The following ATP8B4 variants were observed in gnomAD, a reference collection of about 807,000 sequenced individuals.
ATP8B4 encodes probable phospholipid-transporting ATPase IM.
Under a neutral mutation model 145.6 loss-of-function variants are expected in ATP8B4, and 133 were observed. That is an observed-to-expected ratio of 0.91 (90% CI 0.79 to 1.05). The LOEUF (loss-of-function observed/expected upper bound fraction) is 1.05. Ranked by LOEUF, ATP8B4 falls within the 50% of genes least tolerant of loss-of-function variation. The probability of loss-of-function intolerance (pLI) is 0.00; values close to 1 mark genes in which losing one functional copy is unlikely to be tolerated. For missense variants in ATP8B4, 1,458 were observed against 1,425.2 expected, an observed-to-expected ratio of 1.02 and a Z score of -0.37; for synonymous variants, 507 against 492.9, an observed-to-expected ratio of 1.03 and a Z score of -0.38.
rs2031958842 is a variant in ATP8B4, at chr15:49,862,259, T to C, written c.3283A>G (p.Thr1095Ala). 4 of 1,613,468 alleles carry C rather than the reference T, an allele frequency of 2.5e-6. No homozygotes were observed. In the African/African-American group the frequency reaches 5.3e-5, roughly 22 times the overall value. The change falls in exon 27 of 28, where the codon ACC becomes GCC. Residue 1095 changes from threonine to alanine, a missense_variant. Coordinates refer to ENST00000284509, the MANE Select transcript of ATP8B4 (RefSeq NM_024837.4). Reference sequence around the variant, plus strand: ...CTGTGACATACCTGATCACTCAGGGTTGGGTATAAATCCACCTTCAAAAAT... The same window carrying C: ...CTGTGACATACCTGATCACTCAGGGCTGGGTATAAATCCACCTTCAAAAAT... Reference protein sequence around the residue: ...FRFLKVDLYPTLSDQIRRWQK... With the variant: ...FRFLKVDLYPALSDQIRRWQK...
intron 14 of ATP8B4, among the ~76,000 whole-genome samples, chr15:49,940,052 AC>A (rs766878913): frequency 6.6e-6 from 1 of 152,194 alleles, no homozygotes; most frequent in South Asian, 2.1e-4. Context: ...CTGGGTATCT[AC>A]CCAAAAGAAA....
chr15:49,909,283 A>G (rs1373933513), intron 20 of ATP8B4, among the ~76,000 whole-genome samples: 2 of 152,086 alleles, frequency 1.3e-5, no homozygotes, highest in Admixed American at 6.5e-5. Context: ...CCAGCCTGCC[A>G]CTACCACCAC....
At chr15:49,953,179 C>T (rs74012850) in intron 14 of ATP8B4, among the ~76,000 whole-genome samples, 2,921 of 152,054 alleles carry the variant, frequency 0.019, 90 homozygotes, top group African/African-American at 0.067. Flanking sequence ...TGAAGGGTCT[C>T]GCCCAGCTGG....
At chr15:50,001,137 TTTTC>T (rs1359857917) in intron 8 of ATP8B4, among the ~76,000 whole-genome samples, 3 of 152,048 alleles carry the variant, frequency 2.0e-5, no homozygotes, top group East Asian at 1.9e-4. Flanking sequence ...GTGTCGTTGA[TTTTC>T]TTTATTTTTT....
intron 1 of ATP8B4, among the ~76,000 whole-genome samples, chr15:50,132,317 T>C (rs563667067): frequency 1.3e-5 from 2 of 152,288 alleles, no homozygotes; most frequent in East Asian, 3.9e-4. Context: ...GAACAGACGC[T>C]TCTCAAAAGA....
rs530705985 is a variant in ATP8B4 at position 50,061,291 on chromosome 15, G to T, written c.87+12836C>A. ...ATCAAGCATCAAATTGGAAAATAAA[G>T]GAATCATGGAGGAAATTCCACAGGA... On this transcript the variant is annotated intron_variant, in intron 3 of 27. Coordinates refer to ENST00000284509, the MANE Select transcript of ATP8B4 (RefSeq NM_024837.4). Among the ~76,000 whole-genome samples, 16 of 152,144 alleles carry T rather than the reference G, an allele frequency of 1.1e-4. No homozygotes were observed. The South Asian group carries it at 3.1e-3, about 30-fold the overall frequency.
At chr15:50,152,367 C>T (rs2044359243) in intron 1 of ATP8B4, among the ~76,000 whole-genome samples, 1 of 151,952 alleles carries the variant, frequency 6.6e-6, no homozygotes, top group African/African-American at 2.4e-5. Flanking sequence ...ATAATAGTGA[C>T]TGATTTCATA....
At chr15:50,017,624 A>G (rs2049191011) in intron 6 of ATP8B4, among the ~76,000 whole-genome samples, 2 of 152,232 alleles carry the variant, frequency 1.3e-5, no homozygotes, top group South Asian at 2.1e-4. Context: ...TTGCCCATAT[A>G]GAGCCAAGTG....
intron 14 of ATP8B4, among the ~76,000 whole-genome samples, chr15:49,950,625 A>AAC (rs796143101): frequency 0.012 from 1,727 of 138,448 alleles, 42 homozygotes; most frequent in African/African-American, 0.039. Context: ...CAAACAAAAA[A>AAC]AACAACAACA....
chr15:49,962,708 TA>T (rs1323180113), intron 13 of ATP8B4, among the ~76,000 whole-genome samples: 1 of 152,198 alleles, frequency 6.6e-6, no homozygotes, highest in East Asian at 1.9e-4. Context: ...ATATTCACCA[TA>T]TTGTTCATAA....
At chr15:49,994,033 A>G (rs1169249566) in intron 9 of ATP8B4, among the ~76,000 whole-genome samples, 4 of 152,158 alleles carry the variant, frequency 2.6e-5, no homozygotes, top group African/African-American at 7.2e-5. Flanking sequence ...TTAAATGGCT[A>G]TTTTTATATA....
intron 6 of ATP8B4, among the ~76,000 whole-genome samples, chr15:50,025,117 C>T (rs1460255858): frequency 1.3e-5 from 2 of 152,188 alleles, no homozygotes; most frequent in African/African-American, 2.4e-5. Flanking sequence ...GTATCAACTG[C>T]ATGGGAATAT....
chr15:49,979,458 A>C (rs1427988177), intron 12 of ATP8B4, 159 bp downstream of exon 12: 1 of 489,174 alleles, frequency 2.0e-6, no homozygotes, highest in Non-Finnish European at 3.4e-6. Context: ...AAAAGTTAAC[A>C]GATTAAACAG....
intron 2 of ATP8B4, among the ~76,000 whole-genome samples, chr15:50,085,836 A>G (rs899603454): frequency 8.6e-6 from 1 of 116,546 alleles, no homozygotes; most frequent in African/African-American, 3.3e-5. Context: ...TATATATGAT[A>G]TAGATTATTT....
intron 2 of ATP8B4, among the ~76,000 whole-genome samples, chr15:50,099,518 C>T (rs140022448): frequency 6.3e-4 from 96 of 152,226 alleles, no homozygotes; most frequent in African/African-American, 2.1e-3. Context: ...TGACCTCAAG[C>T]GATCCTCCTA....
chr15:50,028,154 A>G (rs1274714234), intron 6 of ATP8B4, among the ~76,000 whole-genome samples: 1 of 152,096 alleles, frequency 6.6e-6, no homozygotes, highest in African/African-American at 2.4e-5. Flanking sequence ...TATGTTGCTG[A>G]TGATGTTACT....
chr15:50,177,712 T>C (rs899507980), intron 1 of ATP8B4, among the ~76,000 whole-genome samples: 5 of 152,236 alleles, frequency 3.3e-5, no homozygotes, highest in African/African-American at 2.4e-5. Context: ...TCTCAAAGTA[T>C]AGTCCCTGGA....
At position 50,058,812 on chromosome 15, in the gene ATP8B4, T is replaced by C. The variant is rs1397538741; in HGVS notation, c.88-11348A>G. Among the ~76,000 whole-genome samples the C allele has an allele frequency of 5.3e-5, 8 of 150,526 alleles. No individual in the cohort carries two copies. The East Asian group carries it at 1.6e-3, about 29-fold the overall frequency. On this transcript the variant is annotated intron_variant, in intron 3 of 27. Transcript: ENST00000284509. ...AGCCAGGTTGGGGAGTAAATCTATA[T>C]TCAAACAAACCCACAACACCTGGCT...
chr15:50,083,963 C>T (rs1488058244), intron 2 of ATP8B4, among the ~76,000 whole-genome samples: 1 of 152,128 alleles, frequency 6.6e-6, no homozygotes, highest in East Asian at 1.9e-4. Context: ...AGCAAGGATG[C>T]AGAAGACAGG....
Sources: gnomAD v4.1 joint callset for allele counts (sites outside exome capture counted in the v4.1 genomes callset) on GRCh38, gnomAD v4.1.1 for gene constraint, MANE v1.5 for transcripts, NCBI Gene and HGNC (gene_info 2026-07-23, HGNC 2026-07-21) for gene names.